UVSSA: variants seen among roughly 807,000 people sequenced by gnomAD.
The protein encoded by UVSSA is UV stimulated scaffold protein A, also known as UV-stimulated scaffold protein A.
Under a neutral mutation model 73.9 loss-of-function variants are expected in UVSSA, and 72 were observed. The observed-to-expected ratio is 0.97, with a 90% CI of 0.81 to 1.19. The LOEUF (loss-of-function observed/expected upper bound fraction) is 1.19. UVSSA is among the 50% of genes most tolerant of loss of function. The pLI is 0.00. For missense variants in UVSSA, 1,150 were observed against 965.0 expected, an observed-to-expected ratio of 1.19 and a Z score of -2.54; for synonymous variants, 454 against 391.3, an observed-to-expected ratio of 1.16 and a Z score of -1.89.
At chr4:1,342,305 G>A (rs1426044946), upstream of UVSSA, among the ~76,000 whole-genome samples, 1 of 152,194 alleles carries the variant, frequency 6.6e-6, no homozygotes, top group East Asian at 1.9e-4. Flanking sequence ...GTGCACTGGG[G>A]CCACAGTGTG....
chr4:1,380,867 C>G lies in UVSSA; in HGVS notation c.1753-13C>G, dbSNP rs1719404183. The G allele has an allele frequency of 1.2e-6, 2 of 1,609,266 alleles. No individual in the cohort carries two copies. Among genetic ancestry groups the G allele is most frequent in the African/African-American group, 2.7e-5 (2 of 74,994 alleles). ...CCCTCCCCGCCATCAGCCACCGTGT[C>G]CTCGCTGTGCAGTGCCCTTTCCATG... On this transcript the variant is annotated splice_polypyrimidine_tract_variant and intron_variant, in intron 11 of 13. Transcript: ENST00000389851.
At chr4:1,373,478 C>T (rs141301457) in intron 8 of UVSSA, among the ~76,000 whole-genome samples, 3 of 152,168 alleles carry the variant, frequency 2.0e-5, no homozygotes, top group Admixed American at 6.6e-5. Context: ...TTGGCAACAC[C>T]CTCGCAGACA....
intron 7 of UVSSA, among the ~76,000 whole-genome samples, chr4:1,356,312 T>C (rs1265781271): frequency 6.6e-6 from 1 of 152,134 alleles, no homozygotes; most frequent in Non-Finnish European, 1.5e-5. Flanking sequence ...CTCGATTAAA[T>C]GCTGAGCCTG....
At chr4:1,388,701 T>G (rs996927482), downstream of UVSSA, 1 of 152,258 alleles carries the variant, frequency 6.6e-6, no homozygotes, top group Non-Finnish European at 1.5e-5. Context: ...TTTTTCTCCA[T>G]CTGTCGAGAT....
exon 14 of UVSSA, chr4:1,393,542 G>C (rs539734884): frequency 6.6e-6 from 1 of 151,452 alleles, no homozygotes; most frequent in Non-Finnish European, 1.5e-5. Context: ...GCCACAGAGC[G>C]AGACGCTTTC....
intron 12 of UVSSA, among the ~76,000 whole-genome samples, chr4:1,382,964 C>T (rs932261243): frequency 2.0e-5 from 3 of 152,206 alleles, no homozygotes; most frequent in Admixed American, 2.0e-4. Context: ...GTGGCCTTCC[C>T]GAGCCCGACC....
chr4:1,376,983 C>T (rs193090723), intron 10 of UVSSA, among the ~76,000 whole-genome samples: 377 of 152,314 alleles, frequency 2.5e-3, no homozygotes, highest in African/African-American at 8.0e-3. Context: ...AGGTGTGACA[C>T]GGAATATTGC....
chr4:1,376,602 C>T (rs1298934391), intron 10 of UVSSA, among the ~76,000 whole-genome samples: 1 of 152,146 alleles, frequency 6.6e-6, no homozygotes, highest in African/African-American at 2.4e-5. Context: ...CAAGGAGCCT[C>T]GGGAAGCCAC....
chr4:1,359,324 T>G (rs1364555184), intron 7 of UVSSA: 1 of 152,186 alleles, frequency 6.6e-6, no homozygotes, highest in African/African-American at 2.4e-5. Context: ...CAGCGTCATT[T>G]GGTAGATTGC....
At chr4:1,379,402 C>T (rs973492750) in intron 10 of UVSSA, among the ~76,000 whole-genome samples, 4 of 152,346 alleles carry the variant, frequency 2.6e-5, no homozygotes, top group South Asian at 2.1e-4. Flanking sequence ...CACACCCAGC[C>T]CCCCCATCCC....
At position 1,385,828 on chromosome 4, in the gene UVSSA, G is replaced by A. The variant is rs536943711; in HGVS notation, c.2037-40G>A. On this transcript the variant is annotated intron_variant, in intron 13 of 13. Coordinates refer to ENST00000389851, the MANE Select transcript of UVSSA (RefSeq NM_020894.4). Reference sequence around the variant, plus strand: ...GCCACTGGGAGCCCAGGCCCCTGGCGGAAGCCTCCCAGGTCACATCTTGCC... The same window carrying A: ...GCCACTGGGAGCCCAGGCCCCTGGCAGAAGCCTCCCAGGTCACATCTTGCC... 5.7e-5 allele frequency: 91 copies of A among 1,608,458 alleles called. No homozygotes were observed. The South Asian group carries it at 6.7e-4, about 12-fold the overall frequency.
chr4:1,374,543 C>G (rs1247777894), intron 8 of UVSSA, among the ~76,000 whole-genome samples: 1 of 152,194 alleles, frequency 6.6e-6, no homozygotes, highest in Non-Finnish European at 1.5e-5. Context: ...AGGCCAGGGG[C>G]TGGTGGCCTC....
intron 3 of UVSSA, among the ~76,000 whole-genome samples, 173 bp from the exon 4 acceptor site, chr4:1,351,542 C>T (rs542782253): frequency 1.3e-5 from 2 of 151,704 alleles, no homozygotes; most frequent in East Asian, 1.9e-4. Context: ...CCCGCCACCT[C>T]GCCTGGCTAA....
chr4:1,359,247 GT>G (rs1473837393), intron 7 of UVSSA: 1 of 152,152 alleles, frequency 6.6e-6, no homozygotes, highest in Non-Finnish European at 1.5e-5. Context: ...TGTGCTGTGC[GT>G]TTGGAGTGCC....
At chr4:1,369,886 G>A (rs1164097015) in intron 8 of UVSSA, among the ~76,000 whole-genome samples, 9 of 152,264 alleles carry the variant, frequency 5.9e-5, no homozygotes, top group East Asian at 1.9e-4. Context: ...GTGAGACGCC[G>A]TGCGGGCAAG....
intron 10 of UVSSA, among the ~76,000 whole-genome samples, chr4:1,379,737 C>T (rs548522135): frequency 4.0e-5 from 6 of 151,378 alleles, no homozygotes; most frequent in East Asian, 2.0e-4. Context: ...CAGTCGTGCC[C>T]GTGGTCGCGC....
At chr4:1,383,629 G>A in intron 12 of UVSSA, 137 bp from the exon 13 acceptor site, 1 of 980,154 alleles carries the variant, frequency 1.0e-6, no homozygotes, top group Non-Finnish European at 1.5e-6. Flanking sequence ...CAGGCTTGCT[G>A]CTGCCAGGGT....
chr4:1,346,903 G>A (rs911576209), upstream of UVSSA, among the ~76,000 whole-genome samples: 2 of 152,202 alleles, frequency 1.3e-5, no homozygotes, highest in Non-Finnish European at 2.9e-5. Context: ...CCCACCCCCG[G>A]CAGCCTGCCT....
At chr4:1,372,840 GGCACTCACCTCCCGCGTCCCT>G (rs1332278737) in intron 8 of UVSSA, among the ~76,000 whole-genome samples, 509 of 8,008 alleles carry the variant, frequency 0.064, 24 homozygotes, top group Non-Finnish European at 0.073. Flanking sequence ...CGCGTCTCAG[GGCACTCACCTCCCGCGTCCCT>G]GCACTCACCT....
Sources: gnomAD v4.1 joint callset for allele counts (sites outside exome capture counted in the v4.1 genomes callset) on GRCh38, gnomAD v4.1.1 for gene constraint, MANE v1.5 for transcripts, NCBI Gene and HGNC (gene_info 2026-07-23, HGNC 2026-07-21) for gene names.